DACH2: variants seen among roughly 807,000 people sequenced by gnomAD.
The protein encoded by DACH2 is dachshund homolog 2.
A neutral mutation model predicts 35.8 loss-of-function variants in DACH2; 17 were observed. The ratio of observed to expected loss-of-function variants is 0.48; its 90% confidence interval spans 0.33 to 0.71. DACH2 has a LOEUF of 0.71. Ranked by LOEUF, DACH2 falls within the 30% of genes least tolerant of loss-of-function variation. DACH2 has a pLI of 0.02. For missense variants in DACH2, 469 were observed against 472.7 expected (o/e 0.99, Z 0.07); for synonymous variants, 195 against 177.3 (o/e 1.10, Z -0.79).
intron 2 of DACH2, among the ~76,000 whole-genome samples, chrX:86,499,361 C>CTAAAAATA (rs2038218226): frequency 9.0e-6 from 1 of 111,243 alleles, no homozygotes; most frequent in Non-Finnish European, 1.9e-5. Context: ...ATATTCCCTC[C>CTAAAAATA]CACTCCAAAA....
chrX:86,695,175 C>A lies in DACH2; in HGVS notation c.927C>A (p.Thr309=). 1 of 1,068,640 alleles carries A rather than the reference C, an allele frequency of 9.4e-7. No homozygotes were observed. The allele number at this position is 1,068,640 out of a possible 1,213,427, so 88.1% of individuals were successfully genotyped here. A position where few individuals can be genotyped will look rare whatever the true frequency, so the allele number is the denominator to read the frequency against. ...LNPLQQNHLL[T]NRLDLPFMMM... Reference sequence around the variant, plus strand: ...CACTGCAGCAGAACCACCTGCTAACCAATAGTATGTATACTGTCCTCACAA... The same window carrying A: ...CACTGCAGCAGAACCACCTGCTAACAAATAGTATGTATACTGTCCTCACAA... The change falls in exon 5 of 12, where the codon ACC becomes ACA. Residue 309 remains threonine (T), a synonymous_variant. Coordinates refer to ENST00000373125, the MANE Select transcript of DACH2 (RefSeq NM_053281.3).
At chrX:86,329,757 TC>T (rs773581853) in intron 1 of DACH2, among the ~76,000 whole-genome samples, 1 of 111,315 alleles carries the variant, frequency 9.0e-6, no homozygotes, top group Non-Finnish European at 1.9e-5. Context: ...TATGGGACTT[TC>T]ATTTGACGAT....
At chrX:86,296,312 C>T (rs913987871) in intron 1 of DACH2, among the ~76,000 whole-genome samples, 7 of 93,858 alleles carry the variant, frequency 7.5e-5, no homozygotes, top group Non-Finnish European at 1.2e-4. Context: ...ACCCTGGAGG[C>T]GGAGCTTGCA....
chrX:86,347,450 CAGG>C (rs2035517145), intron 1 of DACH2, among the ~76,000 whole-genome samples: 1 of 112,608 alleles, frequency 8.9e-6, no homozygotes, highest in Non-Finnish European at 1.9e-5. Context: ...AGTCTCACTC[CAGG>C]AGGTTTGTCT....
chrX:86,277,296 A>T (rs1251436485), intron 1 of DACH2, among the ~76,000 whole-genome samples: 2 of 111,562 alleles, frequency 1.8e-5, no homozygotes, highest in Non-Finnish European at 3.8e-5. Context: ...TTGTAAACAG[A>T]TGACTTTTTT....
intron 1 of DACH2, among the ~76,000 whole-genome samples, chrX:86,294,550 C>T (rs111927453): frequency 0.42 from 45,864 of 108,474 alleles, 7,857 homozygotes; most frequent in East Asian, 0.53. Flanking sequence ...CCCATCTTTG[C>T]GGTTTTTCCT....
chrX:86,454,314 G>A (rs2037435809), intron 2 of DACH2, among the ~76,000 whole-genome samples: 1 of 111,205 alleles, frequency 9.0e-6, no homozygotes, highest in African/African-American at 3.3e-5. Context: ...GAATTTTAAT[G>A]TTAGCCTTTC....
intron 1 of DACH2, among the ~76,000 whole-genome samples, chrX:86,336,289 T>C (rs1392865962): frequency 8.9e-6 from 1 of 112,313 alleles, no homozygotes. Flanking sequence ...GATTCCCTCT[T>C]TTTCTATTGT....
chrX:86,244,119 G>A (rs1456887930), intron 1 of DACH2, among the ~76,000 whole-genome samples: 1 of 111,801 alleles, frequency 8.9e-6, no homozygotes, highest in Non-Finnish European at 1.9e-5. Context: ...GCATTAAGAT[G>A]TGGAAATTAT....
chrX:86,293,680 T>C (rs2034365890), intron 1 of DACH2, among the ~76,000 whole-genome samples: 1 of 111,007 alleles, frequency 9.0e-6, no homozygotes, highest in South Asian at 3.9e-4. Flanking sequence ...CCTTCACTTA[T>C]GAAGCTTAGT....
chrX:86,451,764 G>A (rs192225015), intron 2 of DACH2, among the ~76,000 whole-genome samples: 161 of 110,520 alleles, frequency 1.5e-3, no homozygotes, highest in Non-Finnish European at 2.5e-3. Context: ...TTTTAAAGAG[G>A]TTCTTCACTA....
chrX:86,617,648 A>G (rs1390118681), intron 3 of DACH2, among the ~76,000 whole-genome samples: 1 of 111,657 alleles, frequency 9.0e-6, no homozygotes. Context: ...TTAAGCATGC[A>G]TATGTTGACA....
intron 2 of DACH2, among the ~76,000 whole-genome samples, chrX:86,506,014 G>T (rs1050891518): frequency 2.7e-5 from 3 of 111,689 alleles, no homozygotes; most frequent in Non-Finnish European, 5.6e-5. Context: ...TAGTATATTA[G>T]ATTTCTGTTG....
chrX:86,534,836 C>T (rs916365255), intron 3 of DACH2, among the ~76,000 whole-genome samples: 2 of 111,191 alleles, frequency 1.8e-5, no homozygotes, highest in Admixed American at 1.9e-4. Context: ...TCAATTTATG[C>T]CTTTTAAGTG....
intron 1 of DACH2, among the ~76,000 whole-genome samples, chrX:86,360,544 T>A (rs73520066): frequency 0.026 from 2,875 of 111,822 alleles, 74 homozygotes; most frequent in East Asian, 0.21. Context: ...AACACACTTT[T>A]ACATTTTATC....
At chrX:86,398,910 G>C (rs1469403593) in intron 2 of DACH2, among the ~76,000 whole-genome samples, 1 of 111,730 alleles carries the variant, frequency 9.0e-6, no homozygotes, top group African/African-American at 3.3e-5. Flanking sequence ...TCCACTTGGT[G>C]CAGAGCTGAG....
intron 1 of DACH2, among the ~76,000 whole-genome samples, chrX:86,302,958 C>T (rs1195893195): frequency 9.3e-6 from 1 of 107,879 alleles, no homozygotes; most frequent in African/African-American, 3.4e-5. Context: ...AATGCTAACA[C>T]AAACAATATT....
At chrX:86,360,826 A>C (rs1393868360) in intron 1 of DACH2, among the ~76,000 whole-genome samples, 1 of 111,731 alleles carries the variant, frequency 9.0e-6, no homozygotes, top group Non-Finnish European at 1.9e-5. Flanking sequence ...GCATTAAGGG[A>C]AATGAAACTT....
chrX:86,276,815 CT>C (rs2033924952), intron 1 of DACH2, among the ~76,000 whole-genome samples: 1 of 111,682 alleles, frequency 9.0e-6, no homozygotes, highest in East Asian at 2.8e-4. Flanking sequence ...TTGTTGGTAC[CT>C]TTATCAAAGA....
Sources: gnomAD v4.1 joint callset for allele counts (sites outside exome capture counted in the v4.1 genomes callset) on GRCh38, gnomAD v4.1.1 for gene constraint, MANE v1.5 for transcripts, NCBI Gene and HGNC (gene_info 2026-07-23, HGNC 2026-07-21) for gene names.